Variants in SLC12A9 observed in about 807,000 individuals in gnomAD.
SLC12A9 encodes the protein solute carrier family 12 member 9.
In SLC12A9, 55 loss-of-function variants were observed where a neutral mutation model predicts 66.0. That is an observed-to-expected ratio of 0.83 (90% confidence interval 0.67 to 1.04). SLC12A9 has a LOEUF of 1.04. Ranked by LOEUF, SLC12A9 falls within the 50% of genes least tolerant of loss-of-function variation. The pLI is 0.00. For synonymous variants in SLC12A9, 577 were observed against 569.0 expected, an observed-to-expected ratio of 1.01 and a Z score of -0.20; for missense variants, 1,061 against 1,241.9, an observed-to-expected ratio of 0.85 and a Z score of 2.19.
At chr7:100,846,204 G>A (rs1456834924) in intron 1 of SLC12A9, among the ~76,000 whole-genome samples, 1 of 152,234 alleles carries the variant, frequency 6.6e-6, no homozygotes, top group African/African-American at 2.4e-5. Context: ...TATAATAAGA[G>A]TTATAATAGT....
At chr7:100,851,618 C>T (rs1814080776), upstream of SLC12A9, among the ~76,000 whole-genome samples, 1 of 140,868 alleles carries the variant, frequency 7.1e-6, no homozygotes, top group African/African-American at 2.7e-5. Context: ...CATGGCGAAA[C>T]CCGGTCTCTA....
intron 13 of SLC12A9, 44 bp from the exon 14 acceptor site, chr7:100,865,675 A>G (rs1297622516): frequency 6.4e-7 from 1 of 1,569,090 alleles, no homozygotes; most frequent in South Asian, 1.2e-5. Flanking sequence ...TTAGCCTGTG[A>G]GCCTGACTCC....
At chr7:100,837,306 G>A (rs1813680361) in intron 1 of SLC12A9, 1 of 152,106 alleles carries the variant, frequency 6.6e-6, no homozygotes, top group African/African-American at 2.4e-5. Flanking sequence ...AGGCAGGTCA[G>A]ACCAAACCGT....
Position 100,854,724 on chromosome 7 carries a change from A to G in SLC12A9, c.286A>G (p.Asn96Asp), listed in dbSNP as rs1403740481. ...TVLSVCAIAT[N>D]GAVQGGGAYF... is the part of the protein sequence containing the mutation. ...CCTCTCTGTCTGTGCCATCGCCACCAATGGAGCCGTGCAGGGGGGCGGAGC... is the reference window on the plus strand; with the variant it reads ...CCTCTCTGTCTGTGCCATCGCCACCGATGGAGCCGTGCAGGGGGGCGGAGC... Residue 96 changes from asparagine to aspartate, a missense_variant, in exon 3 of 14, where the codon AAT becomes GAT. Physicochemically the swap from Asn to Asp is conservative, Grantham distance 23 (BLOSUM62 1). Coordinates refer to ENST00000354161, the MANE Select transcript of SLC12A9 (RefSeq NM_020246.4). 2 of 1,613,998 alleles carry G rather than the reference A, an allele frequency of 1.2e-6. No homozygotes were observed. Among genetic ancestry groups the G allele is most frequent in the East Asian group, 2.2e-5 (1 of 44,874 alleles).
intron 1 of SLC12A9, among the ~76,000 whole-genome samples, chr7:100,841,346 G>C (rs1813787375): frequency 6.6e-6 from 1 of 151,470 alleles, no homozygotes; most frequent in African/African-American, 2.4e-5. Flanking sequence ...TATGTGCAAG[G>C]TGTATAAGAA....
rs552668256 is a variant in SLC12A9 at position 100,857,016 on chromosome 7, G to T, written c.597G>T (p.Leu199=). 1.4e-5 allele frequency: 23 copies of T among 1,614,188 alleles called. No homozygotes were observed. The East Asian group carries it at 4.7e-4, about 33-fold the overall frequency. The change falls in exon 5 of 14, where the codon CTG becomes CTT. Residue 199 remains leucine (L), a synonymous_variant. Coordinates refer to ENST00000354161, the MANE Select transcript of SLC12A9 (RefSeq NM_020246.4). ...YARASFLTFL[L]VSGSLASVLI... ...GGGCCTCATTCCTCACATTCCTGCT[G>T]GTCTCTGGCTCCCTGGCCTCTGTGC...
upstream of SLC12A9, among the ~76,000 whole-genome samples, chr7:100,849,823 A>C (rs1486223782): frequency 6.6e-6 from 1 of 150,418 alleles, no homozygotes; most frequent in African/African-American, 2.4e-5. Context: ...GAGTTCATCC[A>C]TCCTACCCTC....
Position 100,861,308 on chromosome 7 carries a change from C to A in SLC12A9, c.1343+46C>A, listed in dbSNP as rs571478059. On this transcript the variant is annotated intron_variant, in intron 10 of 13. Transcript: ENST00000354161. The surrounding 1 kb of genome is among the most constrained non-coding windows in gnomAD (Gnocchi z 5.3). ...TCCCCAGAGAGAAGAAGGGAGGACT[C>A]GGGCTCAGGCGTGGGGCTGGGGACT... 6.2e-7 allele frequency: 1 copy of A among 1,613,242 alleles called. No individual in the cohort carries two copies. The highest frequency in any genetic ancestry group is 8.5e-7 in the Non-Finnish European group (1 of 1,179,458).
At chr7:100,849,909 G>T (rs1274606834), upstream of SLC12A9, among the ~76,000 whole-genome samples, 1 of 149,346 alleles carries the variant, frequency 6.7e-6, no homozygotes, top group Non-Finnish European at 1.5e-5. Flanking sequence ...GTCTCGCTCT[G>T]TCACCCAGGC....
Position 100,861,756 on chromosome 7 carries a change from G to T in SLC12A9, c.1556G>T (p.Arg519Leu). Residue 519 changes from arginine (R) to leucine (L), a missense_variant, in exon 12 of 14, where the codon CGG (arginine) becomes CTG (leucine). Transcript: ENST00000354161. This position sits in a 1 kb window ranked among gnomAD's most constrained non-coding sequence, Gnocchi z 5.3. ...LFHQVRKYLL[R>L]LDVRKDHVKF... The stretch of plus-strand genomic sequence containing the variant: ...ACCCAGGTGCGTAAGTATCTGCTTC[G>T]GCTGGACGTCCGGAAGGATCACGTG... The T allele has an allele frequency of 6.2e-7, 1 of 1,614,078 alleles. No individual in the cohort carries two copies. The highest frequency in any genetic ancestry group is 8.5e-7 in the Non-Finnish European group (1 of 1,180,006).
At chr7:100,830,791 A>T (rs1813529284) in intron 1 of SLC12A9, among the ~76,000 whole-genome samples, 1 of 151,946 alleles carries the variant, frequency 6.6e-6, no homozygotes, top group Non-Finnish European at 1.5e-5. Flanking sequence ...AAATCCCATG[A>T]TTTCCCCTTT....
At chr7:100,846,492 A>G (rs1332358401) in intron 1 of SLC12A9, among the ~76,000 whole-genome samples, 1 of 151,826 alleles carries the variant, frequency 6.6e-6, no homozygotes, top group Non-Finnish European at 1.5e-5. Flanking sequence ...GCATGAACCC[A>G]GGAGGCGGAG....
chr7:100,842,183 G>A (rs1813803970), intron 1 of SLC12A9, among the ~76,000 whole-genome samples: 1 of 150,910 alleles, frequency 6.6e-6, no homozygotes, highest in Non-Finnish European at 1.5e-5. Context: ...CAGAGTTGTA[G>A]GCCATAGTCC....
intron 13 of SLC12A9, among the ~76,000 whole-genome samples, 198 bp downstream of exon 13, chr7:100,863,025 ATGGGG>A (rs1463378601): frequency 7.4e-5 from 11 of 149,478 alleles, no homozygotes; most frequent in Non-Finnish European, 1.5e-4. Context: ...GGGACTAGTG[ATGGGG>A]TGGGCGATGT....
rs1289296423 is a variant in SLC12A9 at position 100,865,293 on chromosome 7, G to C, written c.1859-426G>C. ...TTTCATCTTCCCATTGCAGAGTCTG[G>C]GACGCTATTACCCTGGGGATTCAGG... On this transcript the variant is annotated intron_variant, in intron 13 of 13. Transcript: ENST00000354161. The C allele has an allele frequency of 3.9e-6, 6 of 1,535,732 alleles. No homozygotes were observed. The South Asian group carries it at 4.8e-5, about 12-fold the overall frequency.
upstream of SLC12A9, among the ~76,000 whole-genome samples, chr7:100,848,186 G>A (rs764151072): frequency 6.6e-6 from 1 of 151,684 alleles, no homozygotes; most frequent in Non-Finnish European, 1.5e-5. Context: ...GTACACCCTT[G>A]GAGGCACTAT....
intron 9 of SLC12A9, 168 bp from the exon 10 acceptor site, chr7:100,860,970 G>A (rs1814712243): frequency 8.5e-7 from 1 of 1,169,826 alleles, no homozygotes; most frequent in African/African-American, 1.6e-5. Context: ...ATAGCATTTT[G>A]GGGGTTCATT....
chr7:100,864,534 A>T (rs1814956958), intron 13 of SLC12A9, among the ~76,000 whole-genome samples: 1 of 132,120 alleles, frequency 7.6e-6, no homozygotes, highest in Non-Finnish European at 1.6e-5. Context: ...CTCCCTGTAA[A>T]CTCAGCAATT....
Position 100,866,050 on chromosome 7 carries a change from C to A in SLC12A9, c.2190C>A (p.Asn730Lys). The change falls in exon 14 of 14, where the codon AAC (asparagine) becomes AAA (lysine). Residue 730 changes from asparagine (N) to lysine (K), a missense_variant. Transcript: ENST00000354161. This position sits in a 1 kb window ranked among gnomAD's most constrained non-coding sequence, Gnocchi z 7.3. ...ACCATGTGGACGTGTGGCCCCTCAACCTGCTGCGGCCCCGGGGTGGGCCCG... is the reference window on the plus strand; with the variant it reads ...ACCATGTGGACGTGTGGCCCCTCAAACTGCTGCGGCCCCGGGGTGGGCCCG... ...QLHHVDVWPLNLLRPRGGPGY... is the reference protein window; with the variant it reads ...QLHHVDVWPLKLLRPRGGPGY... 1 of 1,612,876 alleles carries A rather than the reference C, an allele frequency of 6.2e-7. No homozygotes were observed. The highest frequency in any genetic ancestry group is 8.5e-7 in the Non-Finnish European group (1 of 1,179,866).
Sources: gnomAD v4.1 joint callset for allele counts (sites outside exome capture counted in the v4.1 genomes callset) on GRCh38, gnomAD v4.1.1 for gene constraint, Gnocchi (gnomAD v3.1) non-coding constraint, MANE v1.5 for transcripts, NCBI Gene and HGNC (gene_info 2026-07-23, HGNC 2026-07-21) for gene names.